The following MCRS1 variants were observed in gnomAD, a reference collection of about 807,000 sequenced individuals.
MCRS1 encodes microspherule protein 1.
In MCRS1, 22 loss-of-function variants were observed where a neutral mutation model predicts 62.9. That is an observed-to-expected ratio of 0.35 (90% CI 0.25 to 0.50). The LOEUF is 0.50. Among genes scored for constraint, MCRS1 ranks in the 20% least tolerant of loss-of-function variants. MCRS1 has a pLI of 0.98. For missense variants in MCRS1, 456 were observed against 601.1 expected, an observed-to-expected ratio of 0.76 and a Z score of 2.52; for synonymous variants, 244 against 233.5, an observed-to-expected ratio of 1.04 and a Z score of -0.41.
At position 49,566,194 on chromosome 12, in the gene MCRS1, G is replaced by A; in HGVS notation, c.32C>T (p.Ser11Leu). ...GGCAGTGCCTGATGCCATCAGGGAT[G>A]AATCTAGCAGCCCCTGAGAATCTAG... is the stretch of plus-strand genomic sequence containing the variant. MDKDSQGLLD[S>L]SLMASGTASR... Residue 11 changes from serine to leucine, a missense_variant, in exon 3 of 15, where the codon TCA (serine) becomes TTA (leucine). By Grantham distance (145) the Ser-to-Leu change is moderately radical. Around this residue, in one of 3 missense-constraint regions of MCRS1, gnomAD observed 55 missense variants for 49.3 expected, o/e 1.12. Transcript: ENST00000343810. The A allele has an allele frequency of 6.2e-7, 1 of 1,613,672 alleles. No homozygotes were observed. Among genetic ancestry groups the A allele is most frequent in the Non-Finnish European group, 8.5e-7 (1 of 1,179,788 alleles).
chr12:49,562,410 G>A (rs965465050), intron 8 of MCRS1, among the ~76,000 whole-genome samples: 1 of 152,228 alleles, frequency 6.6e-6, no homozygotes, highest in Non-Finnish European at 1.5e-5. Flanking sequence ...AGGAAGTAGG[G>A]AGCAGTGAGG....
chr12:49,563,337 T>C (rs1938876711), intron 7 of MCRS1, 101 bp downstream of exon 7: 2 of 1,366,580 alleles, frequency 1.5e-6, no homozygotes, highest in East Asian at 2.4e-5. Context: ...CATGTGCACA[T>C]ATCCAGACAG....
At chr12:49,563,244 A>C in intron 7 of MCRS1, 105 bp from the exon 8 acceptor site, 1 of 1,501,004 alleles carries the variant, frequency 6.7e-7, no homozygotes, top group East Asian at 2.5e-5. Context: ...AGCTGGAAGA[A>C]GCAAGCTAGT....
intron 8 of MCRS1, 137 bp downstream of exon 8, chr12:49,562,864 A>G (rs1938842727): frequency 8.7e-7 from 1 of 1,152,774 alleles, no homozygotes; most frequent in Non-Finnish European, 1.2e-6. Context: ...TTTTTTTGCA[A>G]TGTGAGGTGA....
At position 49,558,702 on chromosome 12, in the gene MCRS1, T is replaced by G; in HGVS notation, c.1330A>C (p.Ile444Leu). Residue 444 changes from isoleucine (I) to leucine (L), a missense_variant, in exon 15 of 15, where the codon ATC becomes CTC. Physicochemically the swap from Ile to Leu is conservative, Grantham distance 5. Coordinates refer to ENST00000343810, the MANE Select transcript of MCRS1 (RefSeq NM_006337.5). The part of the protein sequence containing the change: ...EIASLRFVFL[I>L]NQDLIALIRA... ...ATGAGGGCAATGAGGTCCTGGTTGATAAGGAAGACGAATCGCAGGCTGGCG... is the reference window on the plus strand; with the variant it reads ...ATGAGGGCAATGAGGTCCTGGTTGAGAAGGAAGACGAATCGCAGGCTGGCG... 6.2e-7 allele frequency: 1 copy of G among 1,613,812 alleles called. No homozygotes were observed. The highest frequency in any genetic ancestry group is 8.5e-7 in the Non-Finnish European group (1 of 1,179,998).
At chr12:49,565,352 A>G in intron 4 of MCRS1, 177 bp downstream of exon 4, 1 of 985,396 alleles carries the variant, frequency 1.0e-6, no homozygotes, top group Middle Eastern at 5.2e-4. Context: ...GGGCTGCAGC[A>G]AGAAATGGGG....
chr12:49,562,306 G>A (rs538079016), intron 8 of MCRS1, among the ~76,000 whole-genome samples: 1 of 152,334 alleles, frequency 6.6e-6, no homozygotes, highest in East Asian at 1.9e-4. Context: ...ATCAGAACCC[G>A]AATTACAGAC....
In MCRS1 at chr12:49,563,001, C is replaced by CT; in HGVS notation, c.804dup (p.Val269SerfsTer15). The CT allele has an allele frequency of 6.2e-7, 1 of 1,600,372 alleles. No individual in the cohort carries two copies. The highest frequency in any genetic ancestry group is 8.5e-7 in the Non-Finnish European group (1 of 1,172,676). ...ATTCTGCCAGCTCCTGGGGCGTTACCTGTCTGGTCCTCCAGCAGGTAATAC... is the reference window on the plus strand; with the variant it reads ...ATTCTGCCAGCTCCTGGGGCGTTACCTTGTCTGGTCCTCCAGCAGGTAATAC... On this transcript the variant is annotated frameshift_variant and splice_region_variant, in exon 8 of 15. Coordinates refer to ENST00000343810, the MANE Select transcript of MCRS1 (RefSeq NM_006337.5). LOFTEE classifies it high-confidence loss of function.
chr12:49,565,023 C>A, intron 4 of MCRS1, 128 bp from the exon 5 acceptor site: 1 of 1,422,222 alleles, frequency 7.0e-7, no homozygotes, highest in Non-Finnish European at 9.2e-7. Context: ...AACTCCAGCC[C>A]ACAACAGGAA....
chr12:49,563,422 C>T lies in MCRS1; in HGVS notation c.666+16G>A, dbSNP rs1458250330. ...GCTGTGCCCTGATCCTCCACCTTCCCAGCCCTCAGCCTTACCGATCCCACT... is the reference window on the plus strand; with the variant it reads ...GCTGTGCCCTGATCCTCCACCTTCCTAGCCCTCAGCCTTACCGATCCCACT... On this transcript the variant is annotated intron_variant, in intron 7 of 14. Coordinates refer to ENST00000343810, the MANE Select transcript of MCRS1 (RefSeq NM_006337.5). 1 of 1,606,726 alleles carries T rather than the reference C, an allele frequency of 6.2e-7. No individual in the cohort carries two copies. The highest frequency in any genetic ancestry group is 8.5e-7 in the Non-Finnish European group (1 of 1,176,190).
intron 7 of MCRS1, 73 bp downstream of exon 7, chr12:49,563,365 A>T (rs769471933): frequency 7.3e-5 from 106 of 1,458,154 alleles, no homozygotes; most frequent in Non-Finnish European, 9.3e-5. Context: ...GGAGCTCTCC[A>T]CATCAGTGGT....
chr12:49,564,397 G>A, intron 6 of MCRS1, 84 bp downstream of exon 6: 3 of 1,175,466 alleles, frequency 2.6e-6, no homozygotes, highest in Non-Finnish European at 3.7e-6. Flanking sequence ...CCCCTCCTGG[G>A]GCCCTGGTAC....
intron 9 of MCRS1, 114 bp downstream of exon 9, chr12:49,560,181 G>C (rs536438050): frequency 8.4e-5 from 107 of 1,279,750 alleles, no homozygotes; most frequent in South Asian, 1.5e-4. Flanking sequence ...GCTCAGCCAG[G>C]GGGGGCCAAG....
chr12:49,563,222 G>A (rs1024879641), intron 7 of MCRS1, 83 bp from the exon 8 acceptor site: 5 of 1,525,104 alleles, frequency 3.3e-6, no homozygotes, highest in South Asian at 2.5e-5. Context: ...TCCCACCTCA[G>A]CATCCCCCAG....
Position 49,560,256 on chromosome 12 carries a change from C to T in MCRS1, c.881+39G>A, listed in dbSNP as rs183542582. On this transcript the variant is annotated intron_variant, in intron 9 of 14. Transcript: ENST00000343810. ...GGCGCTCTACCTGACAGGAGTGACT[C>T]GGCTCTCTCCACCCCTTCCTGTGTC... 2.5e-4 allele frequency: 399 copies of T among 1,597,464 alleles called. 1 individual carries two copies. In the African/African-American group the frequency reaches 3.2e-3, roughly 13 times the overall value.
At chr12:49,564,616 C>T (rs1416151139) in intron 5 of MCRS1, 26 bp from the exon 6 acceptor site, 3 of 1,609,092 alleles carry the variant, frequency 1.9e-6, no homozygotes, top group Non-Finnish European at 2.5e-6. Flanking sequence ...AGGATTTGCT[C>T]CAGCCTTGGA....
At chr12:49,560,734 T>C (rs1938722382) in intron 8 of MCRS1, among the ~76,000 whole-genome samples, 1 of 152,160 alleles carries the variant, frequency 6.6e-6, no homozygotes, top group African/African-American at 2.4e-5. Context: ...TGACCCTAGT[T>C]TGGGACGGAG....
intron 8 of MCRS1, among the ~76,000 whole-genome samples, chr12:49,561,669 A>T (rs757315113): frequency 6.6e-6 from 1 of 152,236 alleles, no homozygotes; most frequent in Non-Finnish European, 1.5e-5. Context: ...TTGCTCTGTC[A>T]TCCCAGCTGG....
rs1222264752 is a variant in MCRS1, at chr12:49,559,081, C to T, written c.1175-111G>A. The stretch of plus-strand genomic sequence containing the variant: ...ATGGACCAGCTCTGCTTCCTGCAGA[C>T]ACCAAGGAATCCCTGCCTCAGGTGG... On this transcript the variant is annotated intron_variant, in intron 13 of 14. Transcript: ENST00000343810. The surrounding 1 kb of genome is among the most constrained non-coding windows in gnomAD (Gnocchi z 5.2). 1 of 1,542,578 alleles carries T rather than the reference C, an allele frequency of 6.5e-7. No homozygotes were observed. Among genetic ancestry groups the T allele is most frequent in the East Asian group, 2.3e-5 (1 of 44,338 alleles).
Sources: allele counts gnomAD v4.1 joint callset (sites outside exome capture counted in the v4.1 genomes callset), GRCh38; gene constraint gnomAD v4.1.1; regional missense constraint gnomAD v4.1.1; non-coding constraint Gnocchi (gnomAD v3.1); transcripts MANE v1.5; gene names NCBI Gene and HGNC (gene_info 2026-07-23, HGNC 2026-07-21).